Variants in PLPPR1 observed in about 807,000 individuals in gnomAD.
The protein encoded by PLPPR1 is phospholipid phosphatase-related protein type 1.
Under a neutral mutation model 33.1 loss-of-function variants are expected in PLPPR1, and 10 were observed. The observed-to-expected ratio is 0.30, with a 90% CI of 0.19 to 0.51. The LOEUF (loss-of-function observed/expected upper bound fraction) is 0.51, where lower values mean the gene tolerates loss of function less well. PLPPR1 is among the 20% of genes least tolerant of loss of function. PLPPR1 has a pLI of 0.97. For missense variants in PLPPR1, 304 were observed against 408.1 expected, an observed-to-expected ratio of 0.74 and a Z score of 2.20; for synonymous variants, 151 against 151.0, an observed-to-expected ratio of 1.00 and a Z score of 0.00.
At chr9:101,197,478 G>A (rs1225811200) in intron 2 of PLPPR1, among the ~76,000 whole-genome samples, 1 of 152,096 alleles carries the variant, frequency 6.6e-6, no homozygotes, top group Non-Finnish European at 1.5e-5. Context: ...TGGCTTTTGT[G>A]AACCATCAGA....
intron 1 of PLPPR1, among the ~76,000 whole-genome samples, chr9:101,179,963 C>T (rs1826074123): frequency 6.6e-6 from 1 of 151,410 alleles, no homozygotes; most frequent in Non-Finnish European, 1.5e-5. Context: ...CTGGATGCTT[C>T]CTGCCTTCAA....
intron 1 of PLPPR1, among the ~76,000 whole-genome samples, chr9:101,156,672 A>C (rs989573066): frequency 1.0e-5 from 1 of 98,850 alleles, no homozygotes; most frequent in African/African-American, 3.9e-5. Flanking sequence ...GAATAGAAAA[A>C]ATATGAGACA....
At chr9:101,295,281 G>A (rs868417340) in intron 4 of PLPPR1, among the ~76,000 whole-genome samples, 4,491 of 151,088 alleles carry the variant, frequency 0.03, 56 homozygotes, top group Middle Eastern at 0.048. Flanking sequence ...ACTACAAACC[G>A]CTGCTCAAGG....
At chr9:101,094,643 G>C (rs1030376081) in intron 1 of PLPPR1, among the ~76,000 whole-genome samples, 22 of 152,110 alleles carry the variant, frequency 1.4e-4, no homozygotes, top group Non-Finnish European at 1.5e-5. Context: ...CATCATATTA[G>C]AAAATGCTTA....
At chr9:101,183,839 A>G (rs919296313) in intron 1 of PLPPR1, among the ~76,000 whole-genome samples, 7 of 151,646 alleles carry the variant, frequency 4.6e-5, no homozygotes, top group African/African-American at 1.7e-4. Flanking sequence ...GTTATTCTTT[A>G]TTAATTACAT....
chr9:101,292,061 T>G (rs934697326), intron 4 of PLPPR1, among the ~76,000 whole-genome samples: 18 of 152,054 alleles, frequency 1.2e-4, no homozygotes, highest in Admixed American at 1.2e-3. Context: ...TAGACGAATA[T>G]ATAACTAGAA....
intron 4 of PLPPR1, among the ~76,000 whole-genome samples, chr9:101,299,441 A>G (rs1337852157): frequency 2.0e-5 from 3 of 152,152 alleles, no homozygotes; most frequent in Admixed American, 6.5e-5. Flanking sequence ...GTCTCAAGAA[A>G]TTGTGATGAG....
chr9:101,229,366 T>C (rs949862519), intron 2 of PLPPR1, among the ~76,000 whole-genome samples: 10 of 152,100 alleles, frequency 6.6e-5, no homozygotes, highest in Admixed American at 2.0e-4. Context: ...GGGGCCCTGA[T>C]TACCTATTCC....
rs571422304 is a variant in PLPPR1 at position 101,325,080 on chromosome 9, T to A, written c.*1023T>A. The A allele has an allele frequency of 3.9e-5, 6 of 152,142 alleles. No individual in the cohort carries two copies. The highest frequency in any genetic ancestry group is 7.4e-5 in the Non-Finnish European group (5 of 68,020). The allele number at this position is 152,142 out of a possible 1,614,324, so 9.4% of individuals were successfully genotyped here. A position where few individuals can be genotyped will look rare whatever the true frequency, so the allele number is the denominator to read the frequency against. On this transcript the variant is annotated 3_prime_UTR_variant, in exon 8 of 8. Transcript: ENST00000374874. Reference sequence around the variant, plus strand: ...CACTTCCATGTTGGCTCTTCTCAGCTTTTTTTGTACATATTTTTTTTTTCT... The same window carrying A: ...CACTTCCATGTTGGCTCTTCTCAGCATTTTTTGTACATATTTTTTTTTTCT...
intron 2 of PLPPR1, among the ~76,000 whole-genome samples, chr9:101,220,594 C>T (rs1826911222): frequency 6.6e-6 from 1 of 152,214 alleles, no homozygotes; most frequent in Non-Finnish European, 1.5e-5. Context: ...TCTTTATCCT[C>T]ATGTTTCACC....
intron 1 of PLPPR1, among the ~76,000 whole-genome samples, chr9:101,082,309 TACA>T (rs746420816): frequency 1.8e-4 from 28 of 152,180 alleles, no homozygotes; most frequent in Non-Finnish European, 3.5e-4. Flanking sequence ...TCATATTAGT[TACA>T]ACATTAGCTT....
intron 1 of PLPPR1, among the ~76,000 whole-genome samples, chr9:101,168,715 A>G (rs2118685586): frequency 6.6e-6 from 1 of 152,252 alleles, no homozygotes; most frequent in South Asian, 2.1e-4. Flanking sequence ...GATAAAGTGG[A>G]ACCTTTTTCT....
chr9:101,044,227 A>C (rs1830118773), intron 1 of PLPPR1, among the ~76,000 whole-genome samples: 1 of 152,202 alleles, frequency 6.6e-6, no homozygotes, highest in African/African-American at 2.4e-5. Flanking sequence ...ATGAATAGAC[A>C]GTTCTTCCTT....
chr9:101,305,445 G>C (rs1828841153), intron 4 of PLPPR1, among the ~76,000 whole-genome samples: 1 of 152,158 alleles, frequency 6.6e-6, no homozygotes, highest in African/African-American at 2.4e-5. Flanking sequence ...CTTTTTGACT[G>C]GAGAATTACA....
chr9:101,099,473 C>G (rs559106925), intron 1 of PLPPR1, among the ~76,000 whole-genome samples: 2 of 152,206 alleles, frequency 1.3e-5, no homozygotes, highest in African/African-American at 4.8e-5. Flanking sequence ...TCCAGCTCTC[C>G]CTGTCTGTGG....
At chr9:101,274,286 G>A (rs550807858) in intron 3 of PLPPR1, among the ~76,000 whole-genome samples, 1 of 152,274 alleles carries the variant, frequency 6.6e-6, no homozygotes, top group South Asian at 2.1e-4. Flanking sequence ...CCTCAGAACA[G>A]CCAAAGAACA....
At chr9:101,139,595 G>T (rs1288587211) in intron 1 of PLPPR1, among the ~76,000 whole-genome samples, 3 of 152,154 alleles carry the variant, frequency 2.0e-5, no homozygotes, top group African/African-American at 7.2e-5. Flanking sequence ...CAGATAAGAT[G>T]CCAGGGAGTG....
chr9:101,260,645 A>G (rs1260601861), intron 2 of PLPPR1, among the ~76,000 whole-genome samples: 2 of 152,144 alleles, frequency 1.3e-5, no homozygotes, highest in Non-Finnish European at 2.9e-5. Flanking sequence ...AGGAGAAATA[A>G]TGAGTTCCAG....
chr9:101,181,866 A>G (rs2118710704), intron 1 of PLPPR1, among the ~76,000 whole-genome samples: 1 of 149,418 alleles, frequency 6.7e-6, no homozygotes, highest in East Asian at 2.0e-4. Flanking sequence ...ATATATATAT[A>G]TACACACACA....
Sources: allele counts gnomAD v4.1 joint callset (sites outside exome capture counted in the v4.1 genomes callset), GRCh38; gene constraint gnomAD v4.1.1; transcripts MANE v1.5; gene names NCBI Gene and HGNC (gene_info 2026-07-23, HGNC 2026-07-21).